The following GLT1D1 variants were observed in gnomAD, a reference collection of about 807,000 sequenced individuals.
The protein encoded by GLT1D1 is glycosyltransferase 1 domain-containing protein 1.
In GLT1D1, 21 loss-of-function variants were observed where a neutral mutation model predicts 28.7. That is an observed-to-expected ratio of 0.73 (90% confidence interval 0.52 to 1.05). GLT1D1 has a LOEUF of 1.05. GLT1D1 is among the 50% of genes least tolerant of loss of function. The pLI is 0.00. For missense variants in GLT1D1, 343 were observed against 330.6 expected (o/e 1.04, Z -0.29); for synonymous variants, 147 against 124.8 (o/e 1.18, Z -1.19).
intron 4 of GLT1D1, among the ~76,000 whole-genome samples, chr12:128,939,958 AAT>A (rs140196849): frequency 1.2e-4 from 17 of 147,148 alleles, no homozygotes; most frequent in African/African-American, 1.5e-4. Flanking sequence ...CCCCATTTTT[AAT>A]ATATATATAT....
chr12:128,944,953 CGA>C (rs1875833553), intron 4 of GLT1D1: 1 of 545,354 alleles, frequency 1.8e-6, no homozygotes, highest in Non-Finnish European at 3.3e-6. Flanking sequence ...CTCCAGCCCC[CGA>C]CCCCCAACAG....
rs1956953393 is a variant in GLT1D1 at position 128,879,378 on chromosome 12, T to TTTCTTTCTTTCTTTCTTTCTTTC, written c.217+3318_217+3319insCTTTCTTTCTTTCTTTCTTTCTT. Among the ~76,000 whole-genome samples, 192 of 69,974 alleles carry TTTCTTTCTTTCTTTCTTTCTTTC rather than the reference T, an allele frequency of 2.7e-3. 13 individuals carry two copies. Among genetic ancestry groups the TTTCTTTCTTTCTTTCTTTCTTTC allele is most frequent in the Admixed American group, 4.1e-3 (27 of 6,554 alleles). 45.9% of individuals were successfully genotyped at this position (69,974 alleles called of 152,430 possible). The stretch of plus-strand genomic sequence containing the variant: ...AAAGTGATACTTATTATTTTTTTCT[T>TTTCTTTCTTTCTTTCTTTCTTTC]TTTCTTTCTTTCTTTCTTTCTTTCT... On this transcript the variant is annotated intron_variant, in intron 2 of 7. Coordinates refer to ENST00000281703, the MANE Select transcript of GLT1D1 (RefSeq NM_144669.3).
At chr12:128,899,354 G>A in intron 4 of GLT1D1, 67 bp downstream of exon 4, 8 of 1,346,804 alleles carry the variant, frequency 5.9e-6, no homozygotes, top group Non-Finnish European at 8.6e-6. Context: ...AGAACCGAAA[G>A]GCAGCCTTAC....
intron 4 of GLT1D1, among the ~76,000 whole-genome samples, chr12:128,908,831 C>T (rs1362625368): frequency 6.6e-6 from 1 of 152,120 alleles, no homozygotes; most frequent in Non-Finnish European, 1.5e-5. Context: ...CGCCTGTAGT[C>T]CCAGCTACTC....
intron 3 of GLT1D1, among the ~76,000 whole-genome samples, chr12:128,896,297 G>A (rs1355796198): frequency 2.0e-5 from 3 of 152,126 alleles, no homozygotes; most frequent in Non-Finnish European, 2.9e-5. Context: ...TTATCTACAG[G>A]AAGTCTTGAA....
rs149656507 is a variant in GLT1D1, at chr12:128,972,218, G to A, written c.640-10711G>A. Among the ~76,000 whole-genome samples the A allele has an allele frequency of 5.9e-5, 9 of 152,298 alleles. No individual in the cohort carries two copies. The South Asian group carries it at 1.0e-3, about 18-fold the overall frequency. On this transcript the variant is annotated intron_variant, in intron 7 of 7. Transcript: ENST00000281703. ...GCAGCATTGGGAGACATTATTTCTC[G>A]CTCTTCTGGAGGCCAGAGCTGGTTG... is the stretch of plus-strand genomic sequence containing the variant.
At chr12:128,959,768 C>G (rs1327220708) in intron 7 of GLT1D1, among the ~76,000 whole-genome samples, 4 of 152,152 alleles carry the variant, frequency 2.6e-5, no homozygotes, top group Non-Finnish European at 4.4e-5. Flanking sequence ...CTCTCAAAAT[C>G]AACGCCAGCC....
intron 7 of GLT1D1, among the ~76,000 whole-genome samples, chr12:128,963,607 T>C (rs1211479088): frequency 1.3e-5 from 2 of 152,138 alleles, no homozygotes; most frequent in African/African-American, 4.8e-5. Context: ...GATTACGCCA[T>C]TGCACTCCAG....
intron 4 of GLT1D1, 162 bp from the exon 9 acceptor site, chr12:128,945,163 GC>G (rs1565902664): frequency 3.9e-6 from 3 of 769,414 alleles, no homozygotes; most frequent in East Asian, 2.5e-5. Context: ...CGAGCCGGGG[GC>G]CCCCATGATC....
intron 2 of GLT1D1, among the ~76,000 whole-genome samples, chr12:128,879,473 G>A (rs970386396): frequency 1.1e-5 from 1 of 94,260 alleles, no homozygotes; most frequent in African/African-American, 4.4e-5. Context: ...TTTTGGGGGG[G>A]TGGGCAGAGT....
chr12:128,957,586 CG>C lies in GLT1D1; in HGVS notation c.585del (p.Asn196MetfsTer5), dbSNP rs1565912274. 6.2e-7 allele frequency: 1 copy of C among 1,613,874 alleles called. No individual in the cohort carries two copies. The highest frequency in any genetic ancestry group is 2.2e-5 in the East Asian group (1 of 44,874). ...TACCGGTATTGGCCAGGAACATCCCCGGGAATGCTGCCGTGGTGAAGCATGA... is the reference window on the plus strand; with the variant it reads ...TACCGGTATTGGCCAGGAACATCCCCGGAATGCTGCCGTGGTGAAGCATGA... On this transcript the variant is annotated frameshift_variant, in exon 7 of 8. Coordinates refer to ENST00000281703, the MANE Select transcript of GLT1D1 (RefSeq NM_144669.3). LOFTEE classifies it high-confidence loss of function.
chr12:128,879,803 A>AT (rs1457001591), intron 2 of GLT1D1, among the ~76,000 whole-genome samples: 2 of 152,156 alleles, frequency 1.3e-5, no homozygotes, highest in African/African-American at 4.8e-5. Flanking sequence ...TATGTGGAAC[A>AT]TTTTATTCCC....
At chr12:128,859,607 A>G (rs1956308711) in intron 1 of GLT1D1, among the ~76,000 whole-genome samples, 1 of 152,152 alleles carries the variant, frequency 6.6e-6, no homozygotes, top group Admixed American at 6.5e-5. Flanking sequence ...ACCCTTCTCT[A>G]GGTGGGGTCA....
chr12:128,886,934 A>G (rs992729461), intron 2 of GLT1D1, among the ~76,000 whole-genome samples: 2 of 151,990 alleles, frequency 1.3e-5, no homozygotes, highest in Non-Finnish European at 2.9e-5. Context: ...TTTTTGGAAA[A>G]GTTCTTACAG....
intron 3 of GLT1D1, among the ~76,000 whole-genome samples, chr12:128,890,049 C>T (rs993379824): frequency 3.3e-5 from 5 of 152,192 alleles, no homozygotes; most frequent in Non-Finnish European, 5.9e-5. Context: ...GCTGGGATTA[C>T]GGGCATGAGA....
chr12:128,946,095 T>C (rs1480158402), intron 5 of GLT1D1, among the ~76,000 whole-genome samples: 1 of 152,176 alleles, frequency 6.6e-6, no homozygotes, highest in Non-Finnish European at 1.5e-5. Flanking sequence ...CAGGGATCTT[T>C]AGATTGCTCC....
intron 1 of GLT1D1, among the ~76,000 whole-genome samples, chr12:128,863,978 A>T (rs563682580): frequency 9.0e-4 from 133 of 147,964 alleles, no homozygotes; most frequent in African/African-American, 3.2e-3. Context: ...AAGTGTATAG[A>T]TCTGAATACT....
At chr12:128,963,458 G>A (rs563833592) in intron 7 of GLT1D1, among the ~76,000 whole-genome samples, 3 of 152,210 alleles carry the variant, frequency 2.0e-5, no homozygotes, top group East Asian at 3.9e-4. Flanking sequence ...ACCATCCTGA[G>A]TGACATGGTG....
intron 4 of GLT1D1, among the ~76,000 whole-genome samples, chr12:128,908,369 C>CT (rs1345701686): frequency 1.8e-5 from 1 of 55,676 alleles, no homozygotes; most frequent in Admixed American, 1.4e-4. Flanking sequence ...TCTTTTCTTT[C>CT]TTTCTTTTCT....
Sources: allele counts gnomAD v4.1 joint callset (sites outside exome capture counted in the v4.1 genomes callset), GRCh38; gene constraint gnomAD v4.1.1; transcripts MANE v1.5; gene names NCBI Gene and HGNC (gene_info 2026-07-23, HGNC 2026-07-21).